Variants in TTC28 observed in about 807,000 individuals in gnomAD.
TTC28 encodes the protein tetratricopeptide repeat protein 28.
A neutral mutation model predicts 198.0 loss-of-function variants in TTC28; 61 were observed. The ratio of observed to expected loss-of-function variants is 0.31; its 90% CI spans 0.25 to 0.38. The LOEUF (loss-of-function observed/expected upper bound fraction) is 0.38, where lower values mean the gene tolerates loss of function less well. Ranked by LOEUF, TTC28 falls within the 10% of genes least tolerant of loss-of-function variation. TTC28 has a pLI of 1.00. For synonymous variants in TTC28, 1,171 were observed against 1,297.8 expected (o/e 0.90, Z 2.10); for missense variants, 2,678 against 3,164.0 (o/e 0.85, Z 3.69).
chr22:28,304,850 G>A (rs528282906), intron 3 of TTC28, among the ~76,000 whole-genome samples: 1 of 151,968 alleles, frequency 6.6e-6, no homozygotes, highest in Non-Finnish European at 1.5e-5. Flanking sequence ...GAGAGAACAA[G>A]AAAAAACTAG....
Position 28,492,306 on chromosome 22 carries a change from AAGAG to A in TTC28, c.381+137242_381+137245del, listed in dbSNP as rs1397811529. Among the ~76,000 whole-genome samples the A allele has an allele frequency of 2.0e-5, 3 of 152,344 alleles. No individual in the cohort carries two copies. The East Asian group carries it at 5.8e-4, about 29-fold the overall frequency. ...AATAAACCAATTAAAAGACAAAAAA[AAGAG>A]AAAGAAAATAGCTTAATAGATGCTC... On this transcript the variant is annotated intron_variant, in intron 2 of 22. Coordinates refer to ENST00000397906, the MANE Select transcript of TTC28 (RefSeq NM_001145418.2).
chr22:28,604,297 T>TTA (rs35077140), intron 2 of TTC28, among the ~76,000 whole-genome samples: 16,301 of 114,024 alleles, frequency 0.14, 1,437 homozygotes, highest in African/African-American at 0.23. Flanking sequence ...AAAAAAAAAA[T>TTA]TATATATATA....
chr22:28,497,933 A>G (rs2048479378), intron 2 of TTC28, among the ~76,000 whole-genome samples: 1 of 152,140 alleles, frequency 6.6e-6, no homozygotes, highest in Non-Finnish European at 1.5e-5. Flanking sequence ...TAAATTTATA[A>G]TTTTTAATGG....
chr22:28,423,885 T>C (rs755656623), intron 2 of TTC28, among the ~76,000 whole-genome samples: 5 of 152,224 alleles, frequency 3.3e-5, no homozygotes, highest in Non-Finnish European at 5.9e-5. Context: ...AAATCACAAA[T>C]TTTGGGATCA....
At chr22:28,097,944 T>C (rs1487943488) in intron 10 of TTC28, among the ~76,000 whole-genome samples, 2 of 152,190 alleles carry the variant, frequency 1.3e-5, no homozygotes, top group African/African-American at 4.8e-5. Context: ...ACACATTTAA[T>C]AGATAAATTT....
chr22:28,298,480 C>T (rs1456053602), intron 3 of TTC28, among the ~76,000 whole-genome samples: 1 of 152,126 alleles, frequency 6.6e-6, no homozygotes, highest in Non-Finnish European at 1.5e-5. Context: ...ACAGGTCTTG[C>T]TCCGTCACCC....
intron 5 of TTC28, among the ~76,000 whole-genome samples, chr22:28,199,530 C>CAAATATATATAT (rs1555937411): frequency 7.2e-6 from 1 of 138,960 alleles, no homozygotes; most frequent in Non-Finnish European, 1.5e-5. Context: ...AATACCTATA[C>CAAATATATATAT]ATATATATAT....
intron 13 of TTC28, among the ~76,000 whole-genome samples, chr22:28,016,213 G>A (rs1488093958): frequency 1.3e-5 from 2 of 152,142 alleles, no homozygotes; most frequent in Non-Finnish European, 2.9e-5. Flanking sequence ...TACAAGTGAC[G>A]AGGGCTGCAG....
intron 2 of TTC28, among the ~76,000 whole-genome samples, chr22:28,556,756 C>G (rs992346108): frequency 6.6e-6 from 1 of 152,192 alleles, no homozygotes; most frequent in African/African-American, 2.4e-5. Flanking sequence ...CTAGCTAGAG[C>G]TATAATCATC....
intron 2 of TTC28, among the ~76,000 whole-genome samples, chr22:28,332,766 A>T (rs1193095840): frequency 6.6e-6 from 1 of 152,136 alleles, no homozygotes; most frequent in Non-Finnish European, 1.5e-5. Context: ...CCTTTGCAAG[A>T]TATCTTTTTT....
chr22:28,467,766 A>AT (rs1015118689), intron 2 of TTC28, among the ~76,000 whole-genome samples: 22 of 151,440 alleles, frequency 1.5e-4, no homozygotes, highest in Admixed American at 2.0e-4. Context: ...CTGAGAAGAG[A>AT]TTTTTTTTTC....
At chr22:28,447,134 C>T (rs1034146881) in intron 2 of TTC28, among the ~76,000 whole-genome samples, 1 of 151,982 alleles carries the variant, frequency 6.6e-6, no homozygotes. Flanking sequence ...CCTACAATTG[C>T]TTTAAGAGTT....
intron 2 of TTC28, among the ~76,000 whole-genome samples, chr22:28,468,257 T>C (rs1014694971): frequency 6.6e-6 from 1 of 152,116 alleles, no homozygotes; most frequent in African/African-American, 2.4e-5. Context: ...GATCTACAAA[T>C]GCTGGGAGCA....
chr22:28,605,762 A>G (rs1247359098), intron 2 of TTC28, among the ~76,000 whole-genome samples: 1 of 152,218 alleles, frequency 6.6e-6, no homozygotes, highest in Non-Finnish European at 1.5e-5. Context: ...AATTATGTGT[A>G]AATTGCCAGA....
At chr22:28,465,498 C>T (rs71325299) in intron 2 of TTC28, among the ~76,000 whole-genome samples, 7,384 of 152,044 alleles carry the variant, frequency 0.049, 258 homozygotes, top group African/African-American at 0.095. Flanking sequence ...GTGGTGTGTG[C>T]CTGTAATCCC....
rs1928166710 is a variant in TTC28 at position 28,224,847 on chromosome 22, G to A, written c.934-61248C>T. 2.0e-5 allele frequency among the ~76,000 whole-genome samples: 3 copies of A among 152,040 alleles called. 1 individual carries two copies. The South Asian group carries it at 6.2e-4, about 32-fold the overall frequency. Reference sequence around the variant, plus strand: ...TTTTTTGCTTAAACTAGTTTAAGAAGGTTTATTTGCTTAAAACAACTGATT... The same window carrying A: ...TTTTTTGCTTAAACTAGTTTAAGAAAGTTTATTTGCTTAAAACAACTGATT... On this transcript the variant is annotated intron_variant, in intron 5 of 22. Transcript: ENST00000397906.
chr22:28,106,398 G>A (rs1942303593), intron 7 of TTC28, among the ~76,000 whole-genome samples: 1 of 152,176 alleles, frequency 6.6e-6, no homozygotes, highest in South Asian at 2.1e-4. Flanking sequence ...AGCGTGGAAA[G>A]AGTATGACCA....
rs1011713906 is a variant in TTC28 at position 28,132,298 on chromosome 22, A to G, written c.1442-23895T>C. ...TAATAAGACAAATCTTTTGATATGG[A>G]AAGACTGAATGGAGAGACACATTTA... On this transcript the variant is annotated intron_variant, in intron 6 of 22. Coordinates refer to ENST00000397906, the MANE Select transcript of TTC28 (RefSeq NM_001145418.2). Among the ~76,000 whole-genome samples the G allele has an allele frequency of 2.6e-5, 4 of 152,362 alleles. No homozygotes were observed. In the East Asian group the frequency reaches 7.7e-4, roughly 29 times the overall value.
At chr22:28,626,266 T>G (rs2051075362) in intron 2 of TTC28, among the ~76,000 whole-genome samples, 1 of 152,232 alleles carries the variant, frequency 6.6e-6, no homozygotes, top group Non-Finnish European at 1.5e-5. Context: ...TTACAGCCCA[T>G]ATCACATCAA....
Sources: allele counts gnomAD v4.1 joint callset (sites outside exome capture counted in the v4.1 genomes callset), GRCh38; gene constraint gnomAD v4.1.1; transcripts MANE v1.5; gene names NCBI Gene and HGNC (gene_info 2026-07-23, HGNC 2026-07-21).